The following PEX7 variants were observed in gnomAD, a reference collection of about 807,000 sequenced individuals.
The protein encoded by PEX7 is PTS2 receptor.
Under a neutral mutation model 47.5 loss-of-function variants are expected in PEX7, and 34 were observed. The ratio of observed to expected loss-of-function variants is 0.72; its 90% CI spans 0.54 to 0.95. The LOEUF (loss-of-function observed/expected upper bound fraction) is 0.95. Ranked by LOEUF, PEX7 falls within the 40% of genes least tolerant of loss-of-function variation. The pLI is 0.00. For synonymous variants in PEX7, 141 were observed against 148.8 expected (o/e 0.95, Z 0.38); for missense variants, 394 against 400.3 (o/e 0.98, Z 0.13).
Position 136,894,390 on chromosome 6 carries a change from G to A in PEX7, c.804-3752G>A, listed in dbSNP as rs144251666. Reference sequence around the variant, plus strand: ...GCAGATCACGAGGTCAGGAGTTCAAGACCAGCCTGACCAACATGGTGAAAT... The same window carrying A: ...GCAGATCACGAGGTCAGGAGTTCAAAACCAGCCTGACCAACATGGTGAAAT... On this transcript the variant is annotated intron_variant, in intron 8 of 9. Coordinates refer to ENST00000318471, the MANE Select transcript of PEX7 (RefSeq NM_000288.4). 3.4e-3 allele frequency among the ~76,000 whole-genome samples: 521 copies of A among 152,302 alleles called. 9 individuals carry two copies. In the South Asian group the frequency reaches 0.041, roughly 12 times the overall value.
intron 5 of PEX7, among the ~76,000 whole-genome samples, chr6:136,847,847 G>T (rs1265420637): frequency 1.3e-5 from 2 of 151,970 alleles, no homozygotes; most frequent in African/African-American, 4.8e-5. Context: ...TGGTTCCATA[G>T]GAACTTTAAA....
chr6:136,858,161 T>C (rs944772926), intron 5 of PEX7, among the ~76,000 whole-genome samples: 1 of 152,102 alleles, frequency 6.6e-6, no homozygotes, highest in Non-Finnish European at 1.5e-5. Context: ...CAGAATTCTG[T>C]GGAAATGTAT....
chr6:136,910,948 T>G (rs1775923446), intron 9 of PEX7, among the ~76,000 whole-genome samples: 1 of 152,234 alleles, frequency 6.6e-6, no homozygotes, highest in Non-Finnish European at 1.5e-5. Flanking sequence ...TTTATTCCTG[T>G]ACTCTCACAC....
chr6:136,863,917 A>G (rs988842621), intron 5 of PEX7, among the ~76,000 whole-genome samples: 3 of 152,160 alleles, frequency 2.0e-5, no homozygotes, highest in African/African-American at 7.2e-5. Flanking sequence ...TTCCTCCAGA[A>G]TTAGCCAACA....
At chr6:136,856,180 T>A (rs1308471233) in intron 5 of PEX7, among the ~76,000 whole-genome samples, 1 of 151,856 alleles carries the variant, frequency 6.6e-6, no homozygotes, top group Non-Finnish European at 1.5e-5. Context: ...ATCAACAGAA[T>A]GACTGTTTGC....
intron 5 of PEX7, among the ~76,000 whole-genome samples, chr6:136,860,034 A>G (rs544334596): frequency 1.1e-4 from 17 of 152,102 alleles, no homozygotes; most frequent in African/African-American, 4.1e-4. Context: ...AAAAGAAAAA[A>G]AAATTCACTG....
chr6:136,837,100 C>T (rs1310901997), intron 3 of PEX7, among the ~76,000 whole-genome samples: 1 of 152,112 alleles, frequency 6.6e-6, no homozygotes, highest in Non-Finnish European at 1.5e-5. Context: ...CGCGCTTACG[C>T]CTGTAATCCC....
chr6:136,839,274 C>T (rs1182733114), intron 3 of PEX7, among the ~76,000 whole-genome samples: 1 of 152,178 alleles, frequency 6.6e-6, no homozygotes, highest in African/African-American at 2.4e-5. Flanking sequence ...GTCAGTGACC[C>T]TTTCCTTTGT....
intron 5 of PEX7, among the ~76,000 whole-genome samples, chr6:136,848,356 C>T (rs910648674): frequency 7.2e-5 from 11 of 152,170 alleles, no homozygotes; most frequent in African/African-American, 2.4e-4. Flanking sequence ...CCTAATTGCC[C>T]TGGCCAGAAC....
intron 8 of PEX7, among the ~76,000 whole-genome samples, chr6:136,891,566 C>T (rs1374352552): frequency 6.6e-6 from 1 of 151,682 alleles, no homozygotes; most frequent in Non-Finnish European, 1.5e-5. Context: ...GTTTTTAATC[C>T]AGTCATGCAA....
chr6:136,862,621 CT>C (rs1367426870), intron 5 of PEX7, among the ~76,000 whole-genome samples: 1 of 152,192 alleles, frequency 6.6e-6, no homozygotes, highest in Non-Finnish European at 1.5e-5. Flanking sequence ...AGTGATCCTC[CT>C]GCCTTAGCCC....
chr6:136,892,509 T>G (rs532259942), intron 8 of PEX7, among the ~76,000 whole-genome samples: 1 of 152,340 alleles, frequency 6.6e-6, no homozygotes, highest in East Asian at 1.9e-4. Flanking sequence ...CATGGATTGC[T>G]TAATTTCTTG....
chr6:136,913,368 C>T (rs138988614), intron 9 of PEX7, 90 bp from the exon 10 acceptor site: 28 of 859,472 alleles, frequency 3.3e-5, no homozygotes, highest in Middle Eastern at 2.2e-4. Flanking sequence ...GGATGATTTA[C>T]GACACTCTAA....
chr6:136,868,700 A>G (rs949076610), intron 6 of PEX7, among the ~76,000 whole-genome samples: 1 of 148,052 alleles, frequency 6.8e-6, no homozygotes, highest in Non-Finnish European at 1.5e-5. Context: ...GAGTAGTTGC[A>G]GTTTTTGCCA....
intron 8 of PEX7, 51 bp downstream of exon 8, chr6:136,872,304 A>G (rs922766167): frequency 6.4e-6 from 9 of 1,408,232 alleles, no homozygotes; most frequent in Non-Finnish European, 9.0e-6. Flanking sequence ...TAACATTTGC[A>G]TCTTTGCAAC....
intron 5 of PEX7, among the ~76,000 whole-genome samples, chr6:136,856,105 A>G (rs1189116893): frequency 1.3e-5 from 2 of 152,172 alleles, no homozygotes; most frequent in South Asian, 2.1e-4. Context: ...TGTTGCTATA[A>G]TCACAACACT....
In PEX7 at chr6:136,860,323, G is replaced by A. The variant is rs187648380; in HGVS notation, c.527-6304G>A. ...TACATCAGGAGTTGCTGTCAAGGAA[G>A]TGGAATTCTCAGCTCCTGCCCAGCA... On this transcript the variant is annotated intron_variant, in intron 5 of 9. Coordinates refer to ENST00000318471, the MANE Select transcript of PEX7 (RefSeq NM_000288.4). Among the ~76,000 whole-genome samples, 162 of 151,848 alleles carry A rather than the reference G, an allele frequency of 1.1e-3. 1 individual carries two copies. Among genetic ancestry groups the A allele is most frequent in the Non-Finnish European group, 2.2e-4 (15 of 67,986 alleles).
chr6:136,843,671 A>G (rs1360887425), intron 3 of PEX7, among the ~76,000 whole-genome samples: 1 of 152,242 alleles, frequency 6.6e-6, no homozygotes, highest in Non-Finnish European at 1.5e-5. Flanking sequence ...TTAGCTCTCA[A>G]GATCTTCAGT....
At chr6:136,859,039 A>C (rs1332046895) in intron 5 of PEX7, among the ~76,000 whole-genome samples, 2 of 152,234 alleles carry the variant, frequency 1.3e-5, no homozygotes, top group Non-Finnish European at 2.9e-5. Flanking sequence ...ATCCTGTTGC[A>C]CACATGTAGT....
Sources: gnomAD v4.1 joint callset for allele counts (sites outside exome capture counted in the v4.1 genomes callset) on GRCh38, gnomAD v4.1.1 for gene constraint, MANE v1.5 for transcripts, NCBI Gene and HGNC (gene_info 2026-07-23, HGNC 2026-07-21) for gene names.